Variants in PARD3B observed in about 807,000 individuals in gnomAD.
PARD3B encodes par-3 family cell polarity regulator beta.
A neutral mutation model predicts 130.2 loss-of-function variants in PARD3B; 103 were observed. That is an observed-to-expected ratio of 0.79 (90% CI 0.67 to 0.93). The LOEUF (loss-of-function observed/expected upper bound fraction) is 0.93, where lower values mean the gene tolerates loss of function less well. Among genes scored for constraint, PARD3B ranks in the 40% least tolerant of loss-of-function variants. The probability of loss-of-function intolerance (pLI) is 0.00; values close to 1 mark genes in which losing one functional copy is unlikely to be tolerated. For missense variants in PARD3B, 1,609 were observed against 1,499.2 expected, an observed-to-expected ratio of 1.07 and a Z score of -1.21; for synonymous variants, 583 against 553.2, an observed-to-expected ratio of 1.05 and a Z score of -0.76.
intron 2 of PARD3B, among the ~76,000 whole-genome samples, chr2:204,853,135 T>C (rs1346583381): frequency 6.6e-6 from 1 of 152,180 alleles, no homozygotes; most frequent in Non-Finnish European, 1.5e-5. Context: ...ATTATCACCA[T>C]GGGCATCTTA....
At chr2:205,601,781 C>T (rs2054794865) in intron 22 of PARD3B, among the ~76,000 whole-genome samples, 1 of 151,620 alleles carries the variant, frequency 6.6e-6, no homozygotes, top group African/African-American at 2.4e-5. Flanking sequence ...CATGAATCTT[C>T]TAGATGGGGT....
chr2:205,016,340 G>A (rs1295206274), intron 3 of PARD3B, among the ~76,000 whole-genome samples: 4 of 152,066 alleles, frequency 2.6e-5, no homozygotes, highest in Non-Finnish European at 5.9e-5. Context: ...CTCATTTTGT[G>A]CTCTTTTTCC....
In PARD3B at chr2:205,400,669, G is replaced by T. The variant is rs181508177; in HGVS notation, c.2631-344G>T. Among the ~76,000 whole-genome samples the T allele has an allele frequency of 1.3e-4, 20 of 151,652 alleles. No individual in the cohort carries two copies. In the East Asian group the frequency reaches 3.5e-3, roughly 26 times the overall value. The stretch of plus-strand genomic sequence containing the variant: ...AAAAAAAAAATAAAAACTAAAGAAA[G>T]TCCTACCTCTAAGCAACCTGAGTAA... On this transcript the variant is annotated intron_variant, in intron 18 of 22. Coordinates refer to ENST00000406610, the MANE Select transcript of PARD3B (RefSeq NM_001302769.2).
At chr2:205,216,916 C>T (rs369448923) in intron 15 of PARD3B, among the ~76,000 whole-genome samples, 54 of 152,226 alleles carry the variant, frequency 3.5e-4, no homozygotes, top group African/African-American at 1.3e-3. Flanking sequence ...GGCTCCTTCT[C>T]CTCTTCACTC....
intron 2 of PARD3B, among the ~76,000 whole-genome samples, chr2:204,690,093 G>A (rs2037284942): frequency 6.6e-6 from 1 of 151,982 alleles, no homozygotes; most frequent in African/African-American, 2.4e-5. Context: ...TATTGTAAAG[G>A]CTTGTCAGCT....
rs1443922094 is a variant in PARD3B, at chr2:205,525,123, A to G, written c.3180+25092A>G. 2.0e-5 allele frequency among the ~76,000 whole-genome samples: 3 copies of G among 152,166 alleles called. No homozygotes were observed. Among genetic ancestry groups the G allele is most frequent in the Non-Finnish European group, 4.4e-5 (3 of 68,028 alleles). ...TCTTAGCTGCAACTTTCTTATTCAC[A>G]CACAGTAAAGCAATGCCTAGCTCAT... On this transcript the variant is annotated intron_variant, in intron 21 of 22. Transcript: ENST00000406610. This position sits in a 1 kb window ranked among gnomAD's most constrained non-coding sequence, Gnocchi z 4.2.
intron 18 of PARD3B, among the ~76,000 whole-genome samples, chr2:205,353,060 C>T (rs984768335): frequency 6.6e-6 from 1 of 152,180 alleles, no homozygotes; most frequent in Non-Finnish European, 1.5e-5. Flanking sequence ...AGACTAACAT[C>T]CTTTGGGAAT....
rs531313373 is a variant in PARD3B at position 204,936,162 on chromosome 2, G to A, written c.223-28990G>A. Among the ~76,000 whole-genome samples, 8 of 152,356 alleles carry A rather than the reference G, an allele frequency of 5.3e-5. No homozygotes were observed. The East Asian group carries it at 9.7e-4, about 18-fold the overall frequency. Reference sequence around the variant, plus strand: ...GAACACAGTTTTACTCCGCAGCCAGGAAGAGAACCCTGTGCTTCATGCCAC... The same window carrying A: ...GAACACAGTTTTACTCCGCAGCCAGAAAGAGAACCCTGTGCTTCATGCCAC... On this transcript the variant is annotated intron_variant, in intron 2 of 22. Coordinates refer to ENST00000406610, the MANE Select transcript of PARD3B (RefSeq NM_001302769.2).
chr2:205,305,744 C>G (rs1176201752), intron 18 of PARD3B, among the ~76,000 whole-genome samples: 1 of 152,136 alleles, frequency 6.6e-6, no homozygotes, highest in Non-Finnish European at 1.5e-5. Context: ...GTGTCTTCAT[C>G]TGAAACATGA....
intron 2 of PARD3B, among the ~76,000 whole-genome samples, chr2:204,855,552 A>AAAAATAT (rs892814373): frequency 7.0e-6 from 1 of 143,136 alleles, no homozygotes; most frequent in African/African-American, 2.7e-5. Context: ...AAGAAAAAAA[A>AAAAATAT]ATATATATAT....
rs563626466 is a variant in PARD3B at position 204,569,684 on chromosome 2, C to T, written c.120+23565C>T. ...TGTTTGAGAGAAATTTTAGATCTTC[C>T]CTTTGGTTTCAACATTATGAAGTAT... is the stretch of plus-strand genomic sequence containing the variant. On this transcript the variant is annotated intron_variant, in intron 1 of 22. Transcript: ENST00000406610. Among the ~76,000 whole-genome samples, 7 of 152,170 alleles carry T rather than the reference C, an allele frequency of 4.6e-5. No individual in the cohort carries two copies. In the East Asian group the frequency reaches 1.4e-3, roughly 29 times the overall value.
At chr2:204,800,853 T>C (rs1244435535) in intron 2 of PARD3B, among the ~76,000 whole-genome samples, 1 of 152,204 alleles carries the variant, frequency 6.6e-6, no homozygotes, top group East Asian at 1.9e-4. Flanking sequence ...AGGTCTTACA[T>C]TTAAGTCTTT....
intron 15 of PARD3B, among the ~76,000 whole-genome samples, chr2:205,200,922 C>A (rs1163852468): frequency 7.3e-6 from 1 of 136,550 alleles, no homozygotes; most frequent in Non-Finnish European, 1.7e-5. Flanking sequence ...TGAAGTAATC[C>A]CCTGGTTCTT....
intron 3 of PARD3B, among the ~76,000 whole-genome samples, chr2:204,999,751 T>C (rs1308061867): frequency 6.6e-6 from 1 of 152,200 alleles, no homozygotes; most frequent in Non-Finnish European, 1.5e-5. Flanking sequence ...TAAAGTGGTA[T>C]TGAGAACTAC....
intron 18 of PARD3B, among the ~76,000 whole-genome samples, chr2:205,387,986 G>A (rs1398093068): frequency 6.6e-6 from 1 of 152,108 alleles, no homozygotes; most frequent in Non-Finnish European, 1.5e-5. Context: ...AGTTCTTTAT[G>A]TGATAGGATC....
At chr2:205,605,789 G>A (rs973048862) in intron 22 of PARD3B, among the ~76,000 whole-genome samples, 2 of 152,220 alleles carry the variant, frequency 1.3e-5, no homozygotes, top group Admixed American at 6.5e-5. Flanking sequence ...GGAGTGTGCT[G>A]CACTGGGAGG....
Position 205,274,046 on chromosome 2 carries a change from T to G in PARD3B, c.2186-26484T>G, listed in dbSNP as rs991327669. ...TTGCACATTTGAGGATTGGCTCCTG[T>G]TTTGTGTTATCCATATTATTAGCTC... On this transcript the variant is annotated intron_variant, in intron 16 of 22. Transcript: ENST00000406610. This position sits in a 1 kb window ranked among gnomAD's most constrained non-coding sequence, Gnocchi z 4.2. 6.6e-6 allele frequency among the ~76,000 whole-genome samples: 1 copy of G among 152,162 alleles called. No individual in the cohort carries two copies. The highest frequency in any genetic ancestry group is 1.5e-5 in the Non-Finnish European group (1 of 68,030).
At chr2:204,744,412 T>C (rs1252742728) in intron 2 of PARD3B, among the ~76,000 whole-genome samples, 5 of 152,120 alleles carry the variant, frequency 3.3e-5, no homozygotes, top group Non-Finnish European at 5.9e-5. Context: ...TTGAATTTTG[T>C]AGCACATTTT....
chr2:205,421,288 T>G lies in PARD3B; in HGVS notation c.2742-19082T>G, dbSNP rs1355344004. On this transcript the variant is annotated intron_variant, in intron 19 of 22. Transcript: ENST00000406610. This position sits in a 1 kb window ranked among gnomAD's most constrained non-coding sequence, Gnocchi z 5.1. ...AGGTGGCCATTTCTTGCACTACAGA[T>G]GTCAGCTGCCGGGACCAGTTTGTGT... is the stretch of plus-strand genomic sequence containing the variant. Among the ~76,000 whole-genome samples, 1 of 152,204 alleles carries G rather than the reference T, an allele frequency of 6.6e-6. No individual in the cohort carries two copies. The highest frequency in any genetic ancestry group is 1.5e-5 in the Non-Finnish European group (1 of 68,024).
Sources: gnomAD v4.1 joint callset for allele counts (sites outside exome capture counted in the v4.1 genomes callset) on GRCh38, gnomAD v4.1.1 for gene constraint, Gnocchi (gnomAD v3.1) non-coding constraint, MANE v1.5 for transcripts, NCBI Gene and HGNC (gene_info 2026-07-23, HGNC 2026-07-21) for gene names.